Variants in NARS2 observed in about 807,000 individuals in gnomAD.
The protein encoded by NARS2 is asparaginyl-tRNA synthetase.
NARS2 carries 60 observed loss-of-function variants against 62.9 expected under a neutral mutation model. The ratio of observed to expected loss-of-function variants is 0.95; its 90% CI spans 0.77 to 1.18. The LOEUF (loss-of-function observed/expected upper bound fraction) is 1.18. Among genes scored for constraint, NARS2 ranks in the 50% most tolerant of loss-of-function variants. The pLI is 0.00. For missense variants in NARS2, 619 were observed against 576.4 expected (o/e 1.07, Z -0.76); for synonymous variants, 196 against 200.0 (o/e 0.98, Z 0.17).
intron 9 of NARS2, 132 bp from the exon 10 acceptor site, chr11:78,469,445 T>C (rs979425515): frequency 1.5e-5 from 10 of 647,700 alleles, no homozygotes; most frequent in Non-Finnish European, 2.5e-5. Flanking sequence ...TTAAGGCTGA[T>C]CTAATCCTAT....
rs531176165 is a variant in NARS2 at position 78,546,211 on chromosome 11, C to T, written c.594+13328G>A. ...GCCTTAGCTGGGATGGCTGAAACAG[C>T]TGAAGTGTAGCCAGGTATCTCTGTC... On this transcript the variant is annotated intron_variant, in intron 5 of 13. Transcript: ENST00000281038. Among the ~76,000 whole-genome samples the T allele has an allele frequency of 2.0e-5, 3 of 152,338 alleles. No individual in the cohort carries two copies. The South Asian group carries it at 6.2e-4, about 32-fold the overall frequency.
At chr11:78,550,214 C>T (rs1856046379) in intron 5 of NARS2, among the ~76,000 whole-genome samples, 1 of 152,302 alleles carries the variant, frequency 6.6e-6, no homozygotes, top group East Asian at 1.9e-4. Context: ...AGCATGATAA[C>T]AAAGTTCCCT....
intron 9 of NARS2, among the ~76,000 whole-genome samples, chr11:78,476,343 G>C (rs1300863839): frequency 6.6e-6 from 1 of 152,110 alleles, no homozygotes; most frequent in Non-Finnish European, 1.5e-5. Context: ...GACAGGAATG[G>C]GCCTCCTAGG....
At chr11:78,571,264 G>C (rs1485122598) in intron 2 of NARS2, 71 bp downstream of exon 2, 1 of 905,358 alleles carries the variant, frequency 1.1e-6, no homozygotes, top group Non-Finnish European at 1.8e-6. Context: ...GTAAACACTG[G>C]AGTAGGGAAG....
At chr11:78,443,326 CAA>C (rs11409113) in intron 12 of NARS2, among the ~76,000 whole-genome samples, 7 of 82,922 alleles carry the variant, frequency 8.4e-5, no homozygotes, top group African/African-American at 1.1e-4. Flanking sequence ...GACTCCGTCT[CAA>C]AAAAAAAAAA....
intron 5 of NARS2, among the ~76,000 whole-genome samples, chr11:78,554,787 A>G (rs1856284601): frequency 6.6e-6 from 1 of 152,180 alleles, no homozygotes. Flanking sequence ...TGCTGTGGCT[A>G]GGACTTCCAA....
At chr11:78,455,062 C>A (rs1478943672) in intron 11 of NARS2, among the ~76,000 whole-genome samples, 1 of 152,090 alleles carries the variant, frequency 6.6e-6, no homozygotes, top group Non-Finnish European at 1.5e-5. Flanking sequence ...AGCAAAAGTC[C>A]CATAATTATC....
chr11:78,519,788 C>T (rs1193883722), intron 6 of NARS2, among the ~76,000 whole-genome samples: 1 of 151,952 alleles, frequency 6.6e-6, no homozygotes. Flanking sequence ...GCAACCTCCG[C>T]CTCCTGGGTT....
intron 11 of NARS2, among the ~76,000 whole-genome samples, chr11:78,463,713 CAAAAAAAAAAA>C (rs10649252): frequency 8.3e-5 from 4 of 47,986 alleles, no homozygotes; most frequent in Non-Finnish European, 1.1e-4. Context: ...TAGTTAAGGT[CAAAAAAAAAAA>C]AAAAAAAAAA....
rs59664343 is a variant in NARS2, at chr11:78,461,602, T to TAAAAAAAAA, written c.1164+4265_1164+4273dup. The stretch of plus-strand genomic sequence containing the variant: ...GAATGAGTGGGAGATGCTGTGCTGG[T>TAAAAAAAAA]AAAAAAAAAAAAAAAAAAAAAAAAA... On this transcript the variant is annotated intron_variant, in intron 11 of 13. Transcript: ENST00000281038. 5.6e-3 allele frequency among the ~76,000 whole-genome samples: 356 copies of TAAAAAAAAA among 64,050 alleles called. 8 individuals carry two copies. Among genetic ancestry groups the TAAAAAAAAA allele is most frequent in the African/African-American group, 0.021 (339 of 16,388 alleles). 42.0% of individuals were successfully genotyped at this position (64,050 alleles called of 152,430 possible).
intron 11 of NARS2, among the ~76,000 whole-genome samples, chr11:78,449,378 C>T (rs1857882983): frequency 6.6e-6 from 1 of 151,844 alleles, no homozygotes; most frequent in African/African-American, 2.4e-5. Context: ...ACCTCGTGAT[C>T]CGCCTGCCTC....
intron 4 of NARS2, among the ~76,000 whole-genome samples, chr11:78,564,822 C>T (rs1565288226): frequency 6.6e-6 from 1 of 152,172 alleles, no homozygotes; most frequent in East Asian, 1.9e-4. Flanking sequence ...ATTTATTTTC[C>T]TTTGTCTTAT....
intron 11 of NARS2, among the ~76,000 whole-genome samples, chr11:78,449,837 AAG>A (rs1354448326): frequency 6.6e-6 from 1 of 152,214 alleles, no homozygotes; most frequent in Non-Finnish European, 1.5e-5. Context: ...TTGGTGAAGA[AAG>A]AGGGGAACAT....
At chr11:78,457,782 ATGT>A (rs1402917583) in intron 11 of NARS2, among the ~76,000 whole-genome samples, 1 of 147,408 alleles carries the variant, frequency 6.8e-6, no homozygotes, top group Non-Finnish European at 1.5e-5. Context: ...AAGGAATCTT[ATGT>A]TATTATGTAA....
At position 78,436,812 on chromosome 11, in the gene NARS2, T is replaced by A; in HGVS notation, c.1292A>T (p.Tyr431Phe). 1 of 1,613,452 alleles carries A rather than the reference T, an allele frequency of 6.2e-7. No homozygotes were observed. The highest frequency in any genetic ancestry group is 8.5e-7 in the Non-Finnish European group (1 of 1,179,804). Residue 431 changes from tyrosine to phenylalanine, a missense_variant and splice_region_variant, in exon 14 of 14, where the codon TAT becomes TTT. By Grantham distance (22) the Tyr-to-Phe change is conservative. Transcript: ENST00000281038. The part of the protein sequence containing the change: ...RSGLTEVYQW[Y>F]LDLRRFGSVP... ...AGATCCAAATCGACGAAGGTCCAGA[T>A]ACCTGTTTTTCAAAAATAGAAAATC...
intron 11 of NARS2, among the ~76,000 whole-genome samples, chr11:78,448,988 CTTTAATA>C (rs1283096731): frequency 6.6e-6 from 1 of 152,062 alleles, no homozygotes; most frequent in Non-Finnish European, 1.5e-5. Context: ...TATAAACTTC[CTTTAATA>C]TTTGAGTTCA....
intron 4 of NARS2, among the ~76,000 whole-genome samples, chr11:78,560,315 C>T (rs1029290533): frequency 1.3e-5 from 2 of 152,158 alleles, no homozygotes; most frequent in African/African-American, 2.4e-5. Flanking sequence ...TTACCGAGGT[C>T]CCCAAATGGA....
chr11:78,495,979 T>C (rs1414413553), intron 6 of NARS2, among the ~76,000 whole-genome samples: 2 of 152,198 alleles, frequency 1.3e-5, no homozygotes, highest in East Asian at 1.9e-4. Context: ...TCCCTGGCAA[T>C]GCAGGGCAAG....
At chr11:78,566,980 T>C (rs1856766180) in intron 3 of NARS2, among the ~76,000 whole-genome samples, 1 of 151,408 alleles carries the variant, frequency 6.6e-6, no homozygotes, top group Non-Finnish European at 1.5e-5. Context: ...CTAAGTCTTG[T>C]ACAAATACAA....
Sources: allele counts gnomAD v4.1 joint callset (sites outside exome capture counted in the v4.1 genomes callset), GRCh38; gene constraint gnomAD v4.1.1; transcripts MANE v1.5; gene names NCBI Gene and HGNC (gene_info 2026-07-23, HGNC 2026-07-21).